The following ARID1B variants were observed in gnomAD, a reference collection of about 807,000 sequenced individuals.
ARID1B encodes AT-rich interaction domain 1B.
ARID1B carries 30 observed loss-of-function variants against 212.3 expected under a neutral mutation model. That is an observed-to-expected ratio of 0.14 (90% CI 0.11 to 0.19). The LOEUF is 0.19. Among genes scored for constraint, ARID1B ranks in the 10% least tolerant of loss-of-function variants. The pLI, the probability that ARID1B is intolerant of heterozygous loss-of-function variation, is 1.00. For missense variants in ARID1B, 2,891 were observed against 3,204.0 expected, an observed-to-expected ratio of 0.90 and a Z score of 2.36; for synonymous variants, 1,402 against 1,301.7, an observed-to-expected ratio of 1.08 and a Z score of -1.66.
At chr6:156,944,605 A>T (rs997250659) in intron 4 of ARID1B, among the ~76,000 whole-genome samples, 1 of 152,212 alleles carries the variant, frequency 6.6e-6, no homozygotes, top group Non-Finnish European at 1.5e-5. Context: ...TGCAAAGGCT[A>T]ATGCCAACCG....
At chr6:157,138,993 G>A (rs963830789) in intron 7 of ARID1B, among the ~76,000 whole-genome samples, 7 of 152,052 alleles carry the variant, frequency 4.6e-5, no homozygotes, top group Admixed American at 2.6e-4. Flanking sequence ...AGACGTAAGC[G>A]TGAATTTTTC....
chr6:157,054,084 C>T (rs762603071), intron 4 of ARID1B, among the ~76,000 whole-genome samples: 56 of 152,080 alleles, frequency 3.7e-4, no homozygotes, highest in Admixed American at 1.3e-4. Flanking sequence ...ATTAGCCAGG[C>T]CTGGTGGTGC....
At chr6:156,781,548 C>G (rs547962542) in intron 1 of ARID1B, among the ~76,000 whole-genome samples, 120 of 152,186 alleles carry the variant, frequency 7.9e-4, no homozygotes, top group African/African-American at 2.7e-3. Context: ...AGAGACTTGT[C>G]AGAGTGAAGG....
chr6:157,124,322 G>C (rs1263424368), intron 6 of ARID1B, among the ~76,000 whole-genome samples: 4 of 152,218 alleles, frequency 2.6e-5, no homozygotes, highest in Non-Finnish European at 2.9e-5. Context: ...TGAGAGGAGA[G>C]TGTGTTTTAA....
At chr6:157,172,226 T>C (rs1049103729) in intron 9 of ARID1B, among the ~76,000 whole-genome samples, 10 of 152,176 alleles carry the variant, frequency 6.6e-5, no homozygotes, top group Non-Finnish European at 1.5e-4. Flanking sequence ...GAGACAAAAC[T>C]GCGTGGAAGC....
chr6:156,838,857 G>C (rs957476039), intron 2 of ARID1B, among the ~76,000 whole-genome samples: 2 of 152,094 alleles, frequency 1.3e-5, no homozygotes, highest in African/African-American at 4.8e-5. Flanking sequence ...TGGGATCTGT[G>C]ACCTCAGATA....
At chr6:157,119,882 A>C (rs1220452525) in intron 6 of ARID1B, among the ~76,000 whole-genome samples, 3 of 152,238 alleles carry the variant, frequency 2.0e-5, no homozygotes, top group Non-Finnish European at 2.9e-5. Context: ...TTTAATCTGC[A>C]GGGACTTTGG....
At chr6:157,038,596 A>G (rs1781487649) in intron 4 of ARID1B, among the ~76,000 whole-genome samples, 1 of 152,222 alleles carries the variant, frequency 6.6e-6, no homozygotes, top group Admixed American at 6.5e-5. Flanking sequence ...TGTATCTGCC[A>G]AAAATTACTA....
intron 2 of ARID1B, among the ~76,000 whole-genome samples, chr6:156,839,218 T>C (rs1181292594): frequency 6.6e-6 from 1 of 152,198 alleles, no homozygotes; most frequent in Non-Finnish European, 1.5e-5. Context: ...AATTTATTTC[T>C]TATAGTTCTG....
Position 156,880,755 on chromosome 6 carries a change from A to G in ARID1B, c.1987-20621A>G, listed in dbSNP as rs796844363. On this transcript the variant is annotated intron_variant, in intron 2 of 19. Coordinates refer to ENST00000636930, the MANE Select transcript of ARID1B (RefSeq NM_001374828.1). ...ACTCTGTCTCAAAAAAAAAAAAAAA[A>G]AAAAAAAAAGAAAAGAAAAGAAAAA... 2.8e-4 allele frequency among the ~76,000 whole-genome samples: 27 copies of G among 95,382 alleles called. 1 individual carries two copies. The highest frequency in any genetic ancestry group is 3.6e-4 in the African/African-American group (8 of 22,450). 62.6% of individuals were successfully genotyped at this position (95,382 alleles called of 152,430 possible).
At chr6:156,944,487 A>G (rs1219456658) in intron 4 of ARID1B, among the ~76,000 whole-genome samples, 1 of 152,140 alleles carries the variant, frequency 6.6e-6, no homozygotes, top group Admixed American at 6.6e-5. Flanking sequence ...CATATAGGGA[A>G]GTCTAGGGAA....
intron 4 of ARID1B, among the ~76,000 whole-genome samples, chr6:157,027,351 A>C (rs1583173858): frequency 6.6e-6 from 1 of 152,244 alleles, no homozygotes; most frequent in East Asian, 1.9e-4. Flanking sequence ...ATACTATACT[A>C]TTTAATTTGA....
chr6:156,919,684 T>C (rs1055751482), intron 3 of ARID1B, among the ~76,000 whole-genome samples: 2 of 152,192 alleles, frequency 1.3e-5, no homozygotes, highest in Non-Finnish European at 2.9e-5. Context: ...ATGTATTTCT[T>C]AGTTGGGCGT....
At chr6:157,053,402 A>T (rs184310774) in intron 4 of ARID1B, among the ~76,000 whole-genome samples, 5 of 152,360 alleles carry the variant, frequency 3.3e-5, no homozygotes, top group South Asian at 2.1e-4. Context: ...GCAGAATTTA[A>T]GCTAGCTATT....
intron 2 of ARID1B, among the ~76,000 whole-genome samples, chr6:156,895,873 T>C (rs1788346540): frequency 6.6e-6 from 1 of 152,248 alleles, no homozygotes. Flanking sequence ...TCCCCAATTC[T>C]TTTCAATGCA....
At chr6:156,815,151 G>A (rs1053950130) in intron 1 of ARID1B, among the ~76,000 whole-genome samples, 1 of 152,140 alleles carries the variant, frequency 6.6e-6, no homozygotes, top group Non-Finnish European at 1.5e-5. Context: ...GAAAAGAAGA[G>A]TATGGGAAAT....
intron 4 of ARID1B, among the ~76,000 whole-genome samples, chr6:157,049,633 C>T (rs993622809): frequency 3.3e-5 from 5 of 152,076 alleles, no homozygotes; most frequent in Non-Finnish European, 7.4e-5. Flanking sequence ...TTTTGTATCT[C>T]ATTGAGGAAG....
At chr6:157,138,346 C>T (rs945862439) in intron 7 of ARID1B, among the ~76,000 whole-genome samples, 2 of 152,070 alleles carry the variant, frequency 1.3e-5, no homozygotes, top group African/African-American at 4.8e-5. Context: ...AGGGATTCTC[C>T]CACCTCAGCC....
chr6:157,146,685 T>G (rs1166603856), intron 7 of ARID1B, among the ~76,000 whole-genome samples: 1 of 152,212 alleles, frequency 6.6e-6, no homozygotes, highest in Non-Finnish European at 1.5e-5. Flanking sequence ...GATGTGAGCT[T>G]CTCGAGTGCA....
Sources: gnomAD v4.1 joint callset for allele counts (sites outside exome capture counted in the v4.1 genomes callset) on GRCh38, gnomAD v4.1.1 for gene constraint, MANE v1.5 for transcripts, NCBI Gene and HGNC (gene_info 2026-07-23, HGNC 2026-07-21) for gene names.